Variants in STAU2 observed in about 807,000 individuals in gnomAD.
STAU2 encodes double-stranded RNA-binding protein Staufen homolog 2.
In STAU2, 20 loss-of-function variants were observed where a neutral mutation model predicts 65.9. That is an observed-to-expected ratio of 0.30 (90% CI 0.21 to 0.44). The LOEUF is 0.44. Ranked by LOEUF, STAU2 falls within the 20% of genes least tolerant of loss-of-function variation. The pLI, the probability that STAU2 is intolerant of heterozygous loss-of-function variation, is 1.00. For missense variants in STAU2, 558 were observed against 683.9 expected, an observed-to-expected ratio of 0.82 and a Z score of 2.05; for synonymous variants, 232 against 233.9, an observed-to-expected ratio of 0.99 and a Z score of 0.07.
At chr8:73,520,894 G>A (rs545980682) in intron 13 of STAU2, among the ~76,000 whole-genome samples, 4 of 152,222 alleles carry the variant, frequency 2.6e-5, no homozygotes, top group African/African-American at 7.2e-5. Flanking sequence ...AATGAGGTTC[G>A]TTATTATTTA....
chr8:73,673,965 T>C (rs1387994455), intron 5 of STAU2, among the ~76,000 whole-genome samples: 1 of 151,954 alleles, frequency 6.6e-6, no homozygotes. Flanking sequence ...TTACTTAATA[T>C]ACCTCGGAGG....
chr8:73,502,607 T>C (rs1821824275), intron 13 of STAU2, among the ~76,000 whole-genome samples: 1 of 152,050 alleles, frequency 6.6e-6, no homozygotes, highest in Non-Finnish European at 1.5e-5. Flanking sequence ...TAAATGCGTT[T>C]TTTCTCTATT....
At chr8:73,588,343 C>CT (rs930696648) in intron 11 of STAU2, among the ~76,000 whole-genome samples, 2 of 152,196 alleles carry the variant, frequency 1.3e-5, no homozygotes, top group African/African-American at 4.8e-5. Flanking sequence ...ATGTTAAATT[C>CT]TTAAAGCCTG....
rs536126077 is a variant in STAU2, at chr8:73,628,508, C to A, written c.411-11057G>T. Among the ~76,000 whole-genome samples the A allele has an allele frequency of 2.9e-3, 435 of 152,178 alleles. 2 individuals carry two copies. Among genetic ancestry groups the A allele is most frequent in the Middle Eastern group, 0.017 (5 of 294 alleles). On this transcript the variant is annotated intron_variant, in intron 6 of 14. Coordinates refer to ENST00000524300, the MANE Select transcript of STAU2 (RefSeq NM_001164380.2). ...GTAAGAATATTCCTATTATTTAATT[C>A]CAGCAGCAGATATCATCTTTGGTTA...
intron 13 of STAU2, among the ~76,000 whole-genome samples, chr8:73,482,305 AAAAT>A (rs1354110815): frequency 1.3e-5 from 2 of 151,816 alleles, no homozygotes; most frequent in Admixed American, 6.6e-5. Context: ...AACTTCAAAA[AAAAT>A]AAAGAATAAA....
chr8:73,715,909 G>A (rs1016965257), intron 3 of STAU2, among the ~76,000 whole-genome samples: 5 of 151,852 alleles, frequency 3.3e-5, no homozygotes, highest in East Asian at 1.9e-4. Flanking sequence ...CTGTGTGATC[G>A]TATATTTATC....
At chr8:73,537,334 C>G (rs921435706) in intron 13 of STAU2, among the ~76,000 whole-genome samples, 5 of 151,888 alleles carry the variant, frequency 3.3e-5, no homozygotes, top group East Asian at 1.9e-4. Context: ...AAAGTAACAG[C>G]TTAAAATTTA....
At chr8:73,622,992 T>C (rs1187014850) in intron 6 of STAU2, among the ~76,000 whole-genome samples, 1 of 152,226 alleles carries the variant, frequency 6.6e-6, no homozygotes, top group Admixed American at 6.5e-5. Context: ...GAATCTTCCT[T>C]TCCTTTAGAT....
intron 6 of STAU2, among the ~76,000 whole-genome samples, chr8:73,630,710 G>A (rs947783916): frequency 1.8e-4 from 27 of 152,106 alleles, no homozygotes; most frequent in African/African-American, 5.6e-4. Flanking sequence ...TGGGCTGGAG[G>A]GCCAGCTCAG....
intron 3 of STAU2, chr8:73,732,733 C>T (rs928066659): frequency 6.6e-6 from 1 of 152,094 alleles, no homozygotes; most frequent in African/African-American, 2.4e-5. Context: ...GCAGGAGGAC[C>T]TTGAAGCCAA....
intron 3 of STAU2, among the ~76,000 whole-genome samples, chr8:73,728,226 T>C (rs1305051307): frequency 1.3e-5 from 2 of 152,316 alleles, no homozygotes; most frequent in Middle Eastern, 3.4e-3. Flanking sequence ...CATCCTGGCA[T>C]GTTTGTTAAA....
intron 12 of STAU2, among the ~76,000 whole-genome samples, chr8:73,570,503 G>A (rs1012885258): frequency 2.6e-5 from 4 of 152,182 alleles, no homozygotes; most frequent in Admixed American, 6.5e-5. Flanking sequence ...CGGGAAGAAC[G>A]GAACCAAGTT....
chr8:73,485,791 G>A (rs140711611), intron 13 of STAU2, among the ~76,000 whole-genome samples: 2 of 152,198 alleles, frequency 1.3e-5, no homozygotes, highest in South Asian at 4.2e-4. Context: ...CTGTAATAGT[G>A]CCACAGCACT....
chr8:73,611,630 A>G (rs1196133109), intron 9 of STAU2, among the ~76,000 whole-genome samples: 1 of 151,260 alleles, frequency 6.6e-6, no homozygotes, highest in Non-Finnish European at 1.5e-5. Flanking sequence ...AAATGTACAG[A>G]TCTTTTCCAG....
chr8:73,692,853 T>A (rs900448033), intron 4 of STAU2, among the ~76,000 whole-genome samples: 2 of 152,152 alleles, frequency 1.3e-5, no homozygotes, highest in African/African-American at 4.8e-5. Context: ...ACCCCACATA[T>A]TTAGTGTCAG....
At chr8:73,561,295 T>C (rs1808209523) in intron 12 of STAU2, 1 of 324,902 alleles carries the variant, frequency 3.1e-6, no homozygotes, top group Non-Finnish European at 6.0e-6. Context: ...TTTCACTTAG[T>C]TGGCTTATTT....
chr8:73,685,580 G>A (rs191172839), intron 5 of STAU2, among the ~76,000 whole-genome samples: 13 of 152,120 alleles, frequency 8.5e-5, no homozygotes, highest in African/African-American at 3.1e-4. Context: ...GTTTCACCGT[G>A]TTAGCCAGGA....
chr8:73,444,837 G>T (rs1818383297), intron 13 of STAU2, among the ~76,000 whole-genome samples: 2 of 152,160 alleles, frequency 1.3e-5, no homozygotes, highest in African/African-American at 2.4e-5. Context: ...CCCTCCTCAA[G>T]ATGGCTTCCC....
intron 13 of STAU2, among the ~76,000 whole-genome samples, chr8:73,459,896 C>T (rs558348999): frequency 2.0e-5 from 3 of 152,160 alleles, no homozygotes; most frequent in Admixed American, 2.0e-4. Flanking sequence ...CTATCGGGCA[C>T]GGCTCCTTTG....
Sources: allele counts gnomAD v4.1 joint callset (sites outside exome capture counted in the v4.1 genomes callset), GRCh38; gene constraint gnomAD v4.1.1; transcripts MANE v1.5; gene names NCBI Gene and HGNC (gene_info 2026-07-23, HGNC 2026-07-21).